NRL: variants seen among roughly 807,000 people sequenced by gnomAD.
The protein encoded by NRL is neural retina leucine zipper.
In NRL, 16 loss-of-function variants were observed where a neutral mutation model predicts 12.5. The ratio of observed to expected loss-of-function variants is 1.28; its 90% CI spans 0.87 to 1.95. NRL has a LOEUF of 1.95. Among genes scored for constraint, NRL ranks in the 30% most tolerant of loss-of-function variants. The probability of loss-of-function intolerance (pLI) is 0.00; values close to 1 mark genes in which losing one functional copy is unlikely to be tolerated. For synonymous variants in NRL, 142 were observed against 150.9 expected, an observed-to-expected ratio of 0.94 and a Z score of 0.43; for missense variants, 314 against 325.8, an observed-to-expected ratio of 0.96 and a Z score of 0.28.
At chr14:24,086,482 A>C (rs1027666081) in intron 1 of NRL, among the ~76,000 whole-genome samples, 1 of 152,178 alleles carries the variant, frequency 6.6e-6, no homozygotes, top group Non-Finnish European at 1.5e-5. Flanking sequence ...CTGTTTTCTC[A>C]AAAGAATAAA....
Position 24,079,700 on chromosome 14 carries a change from G to C in NRL, c.*1536C>G, listed in dbSNP as rs993217433. 5.3e-5 allele frequency among the ~76,000 whole-genome samples: 8 copies of C among 152,300 alleles called. No individual in the cohort carries two copies. The highest frequency in any genetic ancestry group is 2.6e-4 in the Admixed American group (4 of 15,302). The stretch of plus-strand genomic sequence containing the variant: ...GACATATGGGAGCCTCTTCCCCCAT[G>C]CCCGAAAGCTTCTCCCATTTATTAT... On this transcript the variant is annotated 3_prime_UTR_variant, in exon 3 of 3. Transcript: ENST00000561028.
chr14:24,094,655 C>A lies in NRL; in HGVS notation c.-27-11780G>T. 1 of 1,501,412 alleles carries A rather than the reference C, an allele frequency of 6.7e-7. No individual in the cohort carries two copies. Among genetic ancestry groups the A allele is most frequent in the Non-Finnish European group, 8.9e-7 (1 of 1,127,022 alleles). 93.0% of individuals were successfully genotyped at this position (1,501,412 alleles called of 1,614,324 possible). On this transcript the variant is annotated intron_variant, in intron 1 of 2. Transcript: ENST00000561028. This position sits in a 1 kb window ranked among gnomAD's most constrained non-coding sequence, Gnocchi z 4.1. ...TTCCGCCTGCACCTCCCCTTCTCTG[C>A]CTCGCTCGCCTCTGACCGCGCGATC...
At chr14:24,099,433 G>A in intron 1 of NRL, 1 of 1,046,552 alleles carries the variant, frequency 9.6e-7, no homozygotes, top group East Asian at 2.4e-5. Context: ...CTGATGGCAG[G>A]GCAATCACTT....
rs1216949796 is a variant in NRL, at chr14:24,081,636, C to G, written c.382-68G>C. ...ACCCGGCTCTGCCCTGAGGGCCCGA[C>G]GCTACCTGGCTCCGCCCCGGGACAG... On this transcript the variant is annotated intron_variant, in intron 2 of 2. Transcript: ENST00000561028. This position sits in a 1 kb window ranked among gnomAD's most constrained non-coding sequence, Gnocchi z 4.4. 3.2e-6 allele frequency: 5 copies of G among 1,541,046 alleles called. No individual in the cohort carries two copies. Among genetic ancestry groups the G allele is most frequent in the Non-Finnish European group, 4.4e-6 (5 of 1,143,100 alleles).
chr14:24,103,541 G>A, intron 1 of NRL: 2 of 1,563,666 alleles, frequency 1.3e-6, no homozygotes, highest in East Asian at 4.5e-5. Context: ...CATTTGCCAT[G>A]CGGCCCTTTT....
At chr14:24,098,276 C>T (rs778125092) in intron 1 of NRL, 24 of 1,613,908 alleles carry the variant, frequency 1.5e-5, no homozygotes, top group East Asian at 4.5e-5. Flanking sequence ...TCCTTCTCAG[C>T]GGGACACGGT....
intron 1 of NRL, chr14:24,100,154 A>G: frequency 6.2e-7 from 1 of 1,613,772 alleles, no homozygotes; most frequent in Non-Finnish European, 8.5e-7. Flanking sequence ...GAGGGCATTG[A>G]CCAGCCTCTT....
intron 1 of NRL, among the ~76,000 whole-genome samples, chr14:24,108,130 T>C (rs988513647): frequency 4.6e-5 from 7 of 152,338 alleles, no homozygotes; most frequent in African/African-American, 1.4e-4. Context: ...ATGCTCATTG[T>C]GTTCATTTCC....
intron 1 of NRL, chr14:24,103,841 G>A (rs1483849823): frequency 6.2e-7 from 1 of 1,614,122 alleles, no homozygotes; most frequent in South Asian, 1.1e-5. Flanking sequence ...CCCTCCCCAA[G>A]GACTTCTGGG....
Position 24,085,380 on chromosome 14 carries a change from C to A in NRL, c.-27-2505G>T, listed in dbSNP as rs775770776. Among the ~76,000 whole-genome samples the A allele has an allele frequency of 2.0e-5, 3 of 152,176 alleles. No individual in the cohort carries two copies. The highest frequency in any genetic ancestry group is 2.9e-5 in the Non-Finnish European group (2 of 68,036). ...CTCATATGCCCTCTGCTTTCTCTCA[C>A]CTTTTCCCTGTGTGTGTCTCTGCCC... is the stretch of plus-strand genomic sequence containing the variant. On this transcript the variant is annotated intron_variant, in intron 1 of 2. Transcript: ENST00000561028. This position sits in a 1 kb window ranked among gnomAD's most constrained non-coding sequence, Gnocchi z 4.1.
chr14:24,102,102 C>G (rs901140404), intron 1 of NRL, among the ~76,000 whole-genome samples: 1 of 152,090 alleles, frequency 6.6e-6, no homozygotes, highest in African/African-American at 2.4e-5. Context: ...GTGGTGGGTG[C>G]CTGTAATCCC....
At chr14:24,103,746 C>G (rs532946144) in intron 1 of NRL, 10 of 1,614,016 alleles carry the variant, frequency 6.2e-6, no homozygotes, top group Non-Finnish European at 8.5e-6. Flanking sequence ...GGACAGTGCC[C>G]GAGAGACACC....
At chr14:24,095,687 G>C (rs558646568) in intron 1 of NRL, among the ~76,000 whole-genome samples, 1 of 152,322 alleles carries the variant, frequency 6.6e-6, no homozygotes, top group Admixed American at 6.5e-5. Flanking sequence ...GAGGAGGAGA[G>C]TAACATCCCC....
At chr14:24,099,744 C>G in intron 1 of NRL, 1 of 1,607,168 alleles carries the variant, frequency 6.2e-7, no homozygotes, top group Non-Finnish European at 8.5e-7. Flanking sequence ...AGATCATACT[C>G]TTGGTTCTGG....
chr14:24,099,693 A>G, intron 1 of NRL: 1 of 1,613,954 alleles, frequency 6.2e-7, no homozygotes. Context: ...GGGGGATGAT[A>G]TTGCTTGGAT....
At chr14:24,102,996 C>G in intron 1 of NRL, 1 of 1,331,490 alleles carries the variant, frequency 7.5e-7, no homozygotes, top group Non-Finnish European at 1.1e-6. Flanking sequence ...TCACCTTTCT[C>G]CAGAGTTCTC....
chr14:24,109,201 C>T (rs1006043573), intron 1 of NRL, among the ~76,000 whole-genome samples: 2 of 152,146 alleles, frequency 1.3e-5, no homozygotes, highest in South Asian at 2.1e-4. Flanking sequence ...ACTGTAACCA[C>T]GCAACGTACC....
At chr14:24,103,447 C>T in intron 1 of NRL, 1 of 1,382,340 alleles carries the variant, frequency 7.2e-7, no homozygotes, top group South Asian at 1.3e-5. Flanking sequence ...CAACTGGATG[C>T]AGGGTGCCCT....
In NRL at chr14:24,080,957, C is replaced by T. The variant is rs187067743; in HGVS notation, c.*279G>A. The T allele has an allele frequency of 2.9e-6, 1 of 342,070 alleles. No homozygotes were observed. The highest frequency in any genetic ancestry group is 5.3e-6 in the Non-Finnish European group (1 of 190,348). The allele number at this position is 342,070 out of a possible 1,614,324, so 21.2% of individuals were successfully genotyped here. A position where few individuals can be genotyped will look rare whatever the true frequency, so the allele number is the denominator to read the frequency against. Reference sequence around the variant, plus strand: ...CACTGTGTCACCACACTTCCACCCCCCAGTGCCTGGCACTGGTCCCTGCAG... The same window carrying T: ...CACTGTGTCACCACACTTCCACCCCTCAGTGCCTGGCACTGGTCCCTGCAG... On this transcript the variant is annotated 3_prime_UTR_variant, in exon 3 of 3. Coordinates refer to ENST00000561028, the MANE Select transcript of NRL (RefSeq NM_001354768.3).
Sources: gnomAD v4.1 joint callset for allele counts (sites outside exome capture counted in the v4.1 genomes callset) on GRCh38, gnomAD v4.1.1 for gene constraint, Gnocchi (gnomAD v3.1) non-coding constraint, MANE v1.5 for transcripts, NCBI Gene and HGNC (gene_info 2026-07-23, HGNC 2026-07-21) for gene names.